Variants in FAM81B observed in about 807,000 individuals in gnomAD.
FAM81B encodes family with sequence similarity 81 member B.
A neutral mutation model predicts 58.7 loss-of-function variants in FAM81B; 60 were observed. The ratio of observed to expected loss-of-function variants is 1.02; its 90% CI spans 0.83 to 1.27. The LOEUF (loss-of-function observed/expected upper bound fraction) is 1.27, where lower values mean the gene tolerates loss of function less well. Ranked by LOEUF, FAM81B falls within the 50% of genes most tolerant of loss-of-function variation. The pLI, the probability that FAM81B is intolerant of heterozygous loss-of-function variation, is 0.00. For synonymous variants in FAM81B, 189 were observed against 179.6 expected (o/e 1.05, Z -0.42); for missense variants, 491 against 522.0 (o/e 0.94, Z 0.58).
chr5:95,413,627 T>G (rs1249541592), intron 3 of FAM81B, among the ~76,000 whole-genome samples: 2 of 152,170 alleles, frequency 1.3e-5, no homozygotes, highest in Admixed American at 6.5e-5. Flanking sequence ...TATAAAAACT[T>G]AATTTTTTCT....
chr5:95,430,851 A>G (rs1301077638), intron 6 of FAM81B, among the ~76,000 whole-genome samples: 2 of 152,194 alleles, frequency 1.3e-5, no homozygotes, highest in Non-Finnish European at 2.9e-5. Context: ...CCATTGCCTC[A>G]CCAATGCAGT....
intron 5 of FAM81B, 151 bp from the exon 6 acceptor site, chr5:95,428,451 GA>G (rs1762908501): frequency 1.1e-6 from 1 of 922,842 alleles, no homozygotes; most frequent in Admixed American, 2.8e-5. Flanking sequence ...GAAAAATGAA[GA>G]AAGAGATTCC....
intron 3 of FAM81B, among the ~76,000 whole-genome samples, chr5:95,409,739 G>A (rs1762358934): frequency 6.6e-6 from 1 of 152,026 alleles, no homozygotes; most frequent in African/African-American, 2.4e-5. Context: ...CCATCACTAG[G>A]GTAATAAAAT....
At chr5:95,423,063 A>G (rs1200772495) in intron 5 of FAM81B, among the ~76,000 whole-genome samples, 1 of 152,194 alleles carries the variant, frequency 6.6e-6, no homozygotes, top group Non-Finnish European at 1.5e-5. Context: ...CAGGCAAATG[A>G]CTAATGTACA....
chr5:95,422,681 G>A (rs1762718763), intron 5 of FAM81B, among the ~76,000 whole-genome samples: 1 of 152,082 alleles, frequency 6.6e-6, no homozygotes, highest in Non-Finnish European at 1.5e-5. Flanking sequence ...AATATAATTT[G>A]GTTCAATTTG....
intron 4 of FAM81B, among the ~76,000 whole-genome samples, chr5:95,418,128 G>A (rs1333215054): frequency 6.6e-6 from 1 of 152,148 alleles, no homozygotes; most frequent in African/African-American, 2.4e-5. Context: ...TGCACATCCT[G>A]TTTCATCCCA....
At chr5:95,403,785 G>A (rs556588525) in intron 3 of FAM81B, among the ~76,000 whole-genome samples, 15 of 152,324 alleles carry the variant, frequency 9.8e-5, no homozygotes, top group African/African-American at 3.6e-4. Flanking sequence ...TTATCCAGAA[G>A]CCCCATAGCA....
chr5:95,420,428 T>C (rs1327052576), intron 5 of FAM81B, 26 bp downstream of exon 5: 1 of 1,611,864 alleles, frequency 6.2e-7, no homozygotes, highest in Admixed American at 1.7e-5. Flanking sequence ...TTGACTAATG[T>C]TTAACAGTGA....
At chr5:95,398,197 T>C (rs1762011367) in intron 3 of FAM81B, among the ~76,000 whole-genome samples, 1 of 152,130 alleles carries the variant, frequency 6.6e-6, no homozygotes, top group Admixed American at 6.5e-5. Context: ...GGTGGGCAGA[T>C]CACCTGATGT....
intron 7 of FAM81B, 77 bp from the exon 8 acceptor site, chr5:95,446,485 A>T: frequency 7.3e-7 from 1 of 1,369,012 alleles, no homozygotes; most frequent in South Asian, 1.5e-5. Flanking sequence ...ACCTCAAAAA[A>T]CTGCAGACTT....
intron 5 of FAM81B, among the ~76,000 whole-genome samples, chr5:95,422,631 C>T (rs563607650): frequency 5.9e-5 from 9 of 152,076 alleles, no homozygotes; most frequent in Non-Finnish European, 1.3e-4. Flanking sequence ...TACAGGTGCA[C>T]GCCACCATGA....
chr5:95,414,935 T>A (rs1467457465), intron 4 of FAM81B, among the ~76,000 whole-genome samples: 1 of 152,226 alleles, frequency 6.6e-6, no homozygotes, highest in Non-Finnish European at 1.5e-5. Context: ...TTCTAAGATA[T>A]AATCTCTATA....
At chr5:95,443,468 G>A (rs1348436452) in intron 7 of FAM81B, among the ~76,000 whole-genome samples, 1 of 152,038 alleles carries the variant, frequency 6.6e-6, no homozygotes, top group African/African-American at 2.4e-5. Flanking sequence ...TCACCTATCT[G>A]TATACATCTA....
At chr5:95,443,545 T>G (rs1318264564) in intron 7 of FAM81B, among the ~76,000 whole-genome samples, 1 of 152,200 alleles carries the variant, frequency 6.6e-6, no homozygotes, top group African/African-American at 2.4e-5. Flanking sequence ...TCATCTAAGA[T>G]AGATTCATAC....
At chr5:95,442,365 A>G (rs1427893567) in intron 7 of FAM81B, among the ~76,000 whole-genome samples, 1 of 152,186 alleles carries the variant, frequency 6.6e-6, no homozygotes, top group African/African-American at 2.4e-5. Context: ...TCATTTATGA[A>G]TGCTTACCAA....
intron 6 of FAM81B, among the ~76,000 whole-genome samples, chr5:95,435,529 T>C (rs1224412327): frequency 6.6e-6 from 1 of 152,204 alleles, no homozygotes; most frequent in African/African-American, 2.4e-5. Flanking sequence ...ACAGTTTTTA[T>C]ATTTTCTTGT....
At chr5:95,415,534 C>T (rs1237306910) in intron 4 of FAM81B, among the ~76,000 whole-genome samples, 2 of 152,140 alleles carry the variant, frequency 1.3e-5, no homozygotes, top group Non-Finnish European at 2.9e-5. Flanking sequence ...GACCTCAGTG[C>T]TTCAAAGGTC....
At chr5:95,404,765 G>T (rs1762202105) in intron 3 of FAM81B, among the ~76,000 whole-genome samples, 1 of 152,214 alleles carries the variant, frequency 6.6e-6, no homozygotes, top group Admixed American at 6.5e-5. Context: ...TGCTAGAAAA[G>T]TGCCTCACAT....
chr5:95,440,406 T>C, intron 7 of FAM81B: 1 of 668,388 alleles, frequency 1.5e-6, no homozygotes, highest in South Asian at 1.4e-5. Context: ...TCATGACGAT[T>C]ACCTGGTAAT....
Sources: gnomAD v4.1 joint callset for allele counts (sites outside exome capture counted in the v4.1 genomes callset) on GRCh38, gnomAD v4.1.1 for gene constraint, MANE v1.5 for transcripts, NCBI Gene and HGNC (gene_info 2026-07-23, HGNC 2026-07-21) for gene names.